Variants in EVA1A observed in about 807,000 individuals in gnomAD.
EVA1A encodes the protein eva-1 homolog A, regulator of programmed cell death.
Under a neutral mutation model 9.8 loss-of-function variants are expected in EVA1A, and 7 were observed. The observed-to-expected ratio is 0.71, with a 90% CI of 0.41 to 1.34. EVA1A has a LOEUF of 1.34. Among genes scored for constraint, EVA1A ranks in the 40% most tolerant of loss-of-function variants. EVA1A has a pLI of 0.01. For missense variants in EVA1A, 206 were observed against 205.9 expected (o/e 1.00, Z 0.00); for synonymous variants, 90 against 85.6 (o/e 1.05, Z -0.28).
At chr2:75,531,541 T>C (rs922096467) in intron 1 of EVA1A, among the ~76,000 whole-genome samples, 3 of 151,558 alleles carry the variant, frequency 2.0e-5, no homozygotes, top group Non-Finnish European at 4.4e-5. Flanking sequence ...TAGTTATATA[T>C]ATATATAATA....
chr2:75,563,758 C>T (rs545529733), upstream of EVA1A, among the ~76,000 whole-genome samples: 80 of 152,302 alleles, frequency 5.3e-4, no homozygotes, highest in South Asian at 8.3e-4. Context: ...CACTTCAAGT[C>T]CCATTCGCTT....
At chr2:75,497,155 T>C (rs1674240793) in intron 3 of EVA1A, among the ~76,000 whole-genome samples, 1 of 152,102 alleles carries the variant, frequency 6.6e-6, no homozygotes, top group Admixed American at 6.6e-5. Flanking sequence ...AGTCTCCAAA[T>C]GCAATTGTGA....
At chr2:75,497,653 C>G (rs549332107) in intron 3 of EVA1A, among the ~76,000 whole-genome samples, 45 of 151,744 alleles carry the variant, frequency 3.0e-4, no homozygotes, top group Non-Finnish European at 3.4e-4. Flanking sequence ...AAGCTTGAGA[C>G]AAGCCTGGGC....
intron 1 of EVA1A, 107 bp from the exon 2 acceptor site, chr2:75,522,594 G>C (rs557284759): frequency 6.6e-6 from 1 of 152,394 alleles, no homozygotes; most frequent in East Asian, 1.9e-4. Context: ...TTGGTGGCTA[G>C]TGTCTGGATC....
intron 3 of EVA1A, among the ~76,000 whole-genome samples, chr2:75,495,534 T>C (rs1185589786): frequency 1.3e-5 from 2 of 152,242 alleles, no homozygotes; most frequent in East Asian, 3.8e-4. Flanking sequence ...TTCTGTGTGC[T>C]ACTTATTAGG....
intron 1 of EVA1A, among the ~76,000 whole-genome samples, chr2:75,535,546 T>C (rs988508451): frequency 6.6e-6 from 1 of 152,168 alleles, no homozygotes; most frequent in African/African-American, 2.4e-5. Flanking sequence ...TTAAGTAACC[T>C]CAGCCAATGA....
intron 1 of EVA1A, among the ~76,000 whole-genome samples, chr2:75,535,448 C>T (rs1675846978): frequency 6.6e-6 from 1 of 152,026 alleles, no homozygotes; most frequent in Admixed American, 6.5e-5. Flanking sequence ...GGTATCTACC[C>T]AAAGGAAAAG....
intron 1 of EVA1A, among the ~76,000 whole-genome samples, chr2:75,541,377 A>T (rs1379520798): frequency 6.6e-6 from 1 of 152,154 alleles, no homozygotes; most frequent in African/African-American, 2.4e-5. Context: ...TCAGAAAGGG[A>T]CCACTAATTT....
intron 1 of EVA1A, among the ~76,000 whole-genome samples, chr2:75,547,917 G>A (rs964117567): frequency 3.3e-5 from 5 of 152,190 alleles, no homozygotes; most frequent in East Asian, 1.9e-4. Context: ...TCACTCATTT[G>A]CATATTGTCT....
chr2:75,524,136 C>T (rs1333527483), intron 1 of EVA1A: 2 of 152,456 alleles, frequency 1.3e-5, no homozygotes, highest in Admixed American at 1.3e-4. Context: ...TAAGGCCTCC[C>T]CAGCCATACA....
chr2:75,496,078 A>G (rs950077146), intron 3 of EVA1A, among the ~76,000 whole-genome samples: 2 of 152,210 alleles, frequency 1.3e-5, no homozygotes, highest in African/African-American at 2.4e-5. Context: ...GGTGTCATAT[A>G]TTACACAAGG....
At chr2:75,520,930 G>T (rs1372229820) in intron 2 of EVA1A, among the ~76,000 whole-genome samples, 1 of 152,158 alleles carries the variant, frequency 6.6e-6, no homozygotes, top group Non-Finnish European at 1.5e-5. Context: ...GAAAATATTT[G>T]CAAATAATAT....
chr2:75,548,850 C>T (rs1242200708), intron 1 of EVA1A, among the ~76,000 whole-genome samples: 4 of 151,882 alleles, frequency 2.6e-5, no homozygotes, highest in Non-Finnish European at 5.9e-5. Flanking sequence ...ATGCCCATCC[C>T]GTAATAACTG....
At chr2:75,560,437 G>C (rs75686030) in intron 1 of EVA1A, among the ~76,000 whole-genome samples, 4,913 of 152,244 alleles carry the variant, frequency 0.032, 268 homozygotes, top group African/African-American at 0.11. Flanking sequence ...AAAGAAGCAG[G>C]GGGGGCGAGA....
intron 2 of EVA1A, among the ~76,000 whole-genome samples, chr2:75,519,377 G>A (rs1046260162): frequency 6.6e-6 from 1 of 152,142 alleles, no homozygotes; most frequent in Non-Finnish European, 1.5e-5. Context: ...CCTGGAGAGC[G>A]GCAGTTCCGT....
intron 1 of EVA1A, among the ~76,000 whole-genome samples, chr2:75,547,320 C>A (rs1479349472): frequency 6.6e-6 from 1 of 152,170 alleles, no homozygotes; most frequent in African/African-American, 2.4e-5. Context: ...ATGGTACAGG[C>A]TTTGACACCA....
At position 75,518,220 on chromosome 2, in the gene EVA1A, C is replaced by A. The variant is rs1572960652; in HGVS notation, c.-68-12G>T. The A allele has an allele frequency of 4.5e-6, 7 of 1,567,138 alleles. No homozygotes were observed. In the East Asian group the frequency reaches 1.1e-4, roughly 25 times the overall value. ...CTCCTTCTTCTCTTCTGTTTGGGAA[C>A]ATAAAGTGAGTGATAAGAAACATTC... is the stretch of plus-strand genomic sequence containing the variant. On this transcript the variant is annotated splice_polypyrimidine_tract_variant and intron_variant, in intron 2 of 3. Coordinates refer to ENST00000393913, the MANE Select transcript of EVA1A (RefSeq NM_001135032.2).
rs564936634 is a variant in EVA1A at position 75,549,292 on chromosome 2, T to C, written c.-192+11388A>G. Among the ~76,000 whole-genome samples the C allele has an allele frequency of 3.9e-5, 6 of 152,200 alleles. No homozygotes were observed. In the South Asian group the frequency reaches 1.0e-3, roughly 26 times the overall value. On this transcript the variant is annotated intron_variant, in intron 1 of 3. Transcript: ENST00000393913. ...CCTGTGGAATAGGAATAAAGCCAAG[T>C]ATGGGATTATGTAACTTCACCGAAC...
In EVA1A at chr2:75,542,814, T is replaced by C. The variant is rs573964418; in HGVS notation, c.-192+17866A>G. 4.6e-5 allele frequency: 7 copies of C among 152,198 alleles called. No individual in the cohort carries two copies. In the East Asian group the frequency reaches 1.2e-3, roughly 25 times the overall value. The allele number at this position is 152,198 out of a possible 1,614,324, so 9.4% of individuals were successfully genotyped here. A position where few individuals can be genotyped will look rare whatever the true frequency, so the allele number is the denominator to read the frequency against. On this transcript the variant is annotated intron_variant, in intron 1 of 3. Coordinates refer to ENST00000393913, the MANE Select transcript of EVA1A (RefSeq NM_001135032.2). The stretch of plus-strand genomic sequence containing the variant: ...AAGAACTTGGAGTTTGGCTGGTTTG[T>C]AGGAAATGTAACAAAGTTTGGGGGA...
Sources: allele counts gnomAD v4.1 joint callset (sites outside exome capture counted in the v4.1 genomes callset), GRCh38; gene constraint gnomAD v4.1.1; transcripts MANE v1.5; gene names NCBI Gene and HGNC (gene_info 2026-07-23, HGNC 2026-07-21).